The following ZNF827 variants were observed in gnomAD, a reference collection of about 807,000 sequenced individuals.
ZNF827 encodes the protein zinc finger protein 827.
A neutral mutation model predicts 102.4 loss-of-function variants in ZNF827; 13 were observed. That is an observed-to-expected ratio of 0.13 (90% CI 0.08 to 0.20). The LOEUF is 0.20. Ranked by LOEUF, ZNF827 falls within the 10% of genes least tolerant of loss-of-function variation. The pLI is 1.00. For synonymous variants in ZNF827, 523 were observed against 536.2 expected (o/e 0.98, Z 0.34); for missense variants, 1,103 against 1,344.4 (o/e 0.82, Z 2.81).
chr4:145,896,760 G>A (rs1285328197), intron 2 of ZNF827, among the ~76,000 whole-genome samples: 1 of 152,130 alleles, frequency 6.6e-6, no homozygotes, highest in Admixed American at 6.6e-5. Context: ...TTAGACCTCA[G>A]CTATTTCCAA....
At chr4:145,879,336 T>G (rs149313106) in intron 4 of ZNF827, among the ~76,000 whole-genome samples, 10 of 152,344 alleles carry the variant, frequency 6.6e-5, no homozygotes, top group Non-Finnish European at 1.2e-4. Flanking sequence ...CAGCTCACTG[T>G]AAGCACATTT....
intron 1 of ZNF827, among the ~76,000 whole-genome samples, chr4:145,914,017 T>G (rs1403585056): frequency 6.6e-6 from 1 of 151,400 alleles, no homozygotes; most frequent in Non-Finnish European, 1.5e-5. Context: ...AAATGACTAC[T>G]TATCAAAATC....
chr4:145,793,690 AT>A (rs1560931659), intron 8 of ZNF827, among the ~76,000 whole-genome samples: 1 of 152,052 alleles, frequency 6.6e-6, no homozygotes, highest in Non-Finnish European at 1.5e-5. Context: ...GCATCCTTCA[AT>A]CCAATCAAGT....
At chr4:145,909,856 C>T (rs1752139815) in intron 1 of ZNF827, among the ~76,000 whole-genome samples, 2 of 152,154 alleles carry the variant, frequency 1.3e-5, no homozygotes, top group Admixed American at 6.5e-5. Flanking sequence ...ACTAAGAGAC[C>T]TCTCGCGTCT....
At chr4:145,881,438 C>G (rs972082409) in intron 4 of ZNF827, among the ~76,000 whole-genome samples, 1 of 152,088 alleles carries the variant, frequency 6.6e-6, no homozygotes, top group Admixed American at 6.6e-5. Context: ...TTTTGGAAAA[C>G]CAGGGACAAA....
intron 8 of ZNF827, among the ~76,000 whole-genome samples, chr4:145,794,002 A>C (rs1025131892): frequency 3.3e-5 from 5 of 152,106 alleles, no homozygotes; most frequent in African/African-American, 9.7e-5. Flanking sequence ...GCCTCCCCAC[A>C]TGCTGAGGTT....
At chr4:145,764,824 A>T in intron 13 of ZNF827, 164 bp downstream of exon 13, 1 of 878,688 alleles carries the variant, frequency 1.1e-6, no homozygotes, top group Non-Finnish European at 1.8e-6. Flanking sequence ...GGACAGGTCT[A>T]ATTCAATCCA....
At chr4:145,917,700 C>CAAAAAAAAAAAAAAAAAA (rs763617063) in intron 1 of ZNF827, among the ~76,000 whole-genome samples, 6 of 46,848 alleles carry the variant, frequency 1.3e-4, no homozygotes, top group Non-Finnish European at 1.6e-4. Context: ...GGTAGCTGGT[C>CAAAAAAAAAAAAAAAAAA]AAAAAAAAAA....
At chr4:145,815,087 A>G (rs941926039) in intron 8 of ZNF827, among the ~76,000 whole-genome samples, 7 of 152,198 alleles carry the variant, frequency 4.6e-5, no homozygotes, top group Admixed American at 6.5e-5. Flanking sequence ...TAAGACAGAA[A>G]AATAGGAGAG....
At chr4:145,882,314 T>C (rs1269744074) in intron 4 of ZNF827, among the ~76,000 whole-genome samples, 1 of 152,084 alleles carries the variant, frequency 6.6e-6, no homozygotes, top group Non-Finnish European at 1.5e-5. Context: ...ACAAAATTCA[T>C]TTTTCTGTCA....
chr4:145,916,503 GC>G (rs146314989), intron 1 of ZNF827, among the ~76,000 whole-genome samples: 2,942 of 152,232 alleles, frequency 0.019, 48 homozygotes, highest in Middle Eastern at 0.037. Flanking sequence ...GGCACTCTGG[GC>G]CTGTGATGGA....
intron 5 of ZNF827, among the ~76,000 whole-genome samples, chr4:145,851,915 C>A (rs1746574853): frequency 6.6e-6 from 1 of 152,218 alleles, no homozygotes; most frequent in South Asian, 2.1e-4. Flanking sequence ...CTCCCTCAAG[C>A]CCCTTAGGGA....
chr4:145,769,578 G>T (rs994832364), intron 11 of ZNF827, among the ~76,000 whole-genome samples: 1 of 152,180 alleles, frequency 6.6e-6, no homozygotes, highest in East Asian at 1.9e-4. Flanking sequence ...CTGTGATGCA[G>T]CCCAGCTTGC....
At chr4:145,828,717 T>A (rs190820496) in intron 7 of ZNF827, among the ~76,000 whole-genome samples, 1 of 152,270 alleles carries the variant, frequency 6.6e-6, no homozygotes, top group Admixed American at 6.5e-5. Flanking sequence ...GTAGAAAATC[T>A]AAGGGCTAAG....
intron 2 of ZNF827, among the ~76,000 whole-genome samples, chr4:145,898,401 C>T (rs1029487526): frequency 1.1e-4 from 16 of 152,114 alleles, no homozygotes; most frequent in African/African-American, 3.6e-4. Context: ...GTTTTGGAGA[C>T]CCTCTCTCTG....
At chr4:145,937,853 C>T (rs1754330850) in intron 1 of ZNF827, among the ~76,000 whole-genome samples, 1 of 151,022 alleles carries the variant, frequency 6.6e-6, no homozygotes, top group African/African-American at 2.4e-5. Flanking sequence ...GCTGCGCGCC[C>T]TCTCCCCGAC....
chr4:145,856,673 G>A (rs1747133341), intron 5 of ZNF827, among the ~76,000 whole-genome samples: 1 of 139,418 alleles, frequency 7.2e-6, no homozygotes. Flanking sequence ...ATGACCTCCA[G>A]TACACACATA....
At chr4:145,837,660 A>G (rs1449070384) in intron 7 of ZNF827, among the ~76,000 whole-genome samples, 1 of 152,218 alleles carries the variant, frequency 6.6e-6, no homozygotes, top group African/African-American at 2.4e-5. Flanking sequence ...AAGTAAATAA[A>G]TAATCTTTGC....
chr4:145,805,678 A>C (rs1034344531), intron 8 of ZNF827, among the ~76,000 whole-genome samples: 17 of 152,100 alleles, frequency 1.1e-4, no homozygotes, highest in African/African-American at 3.9e-4. Flanking sequence ...AAGCATTCCA[A>C]TGGTTCCTGG....
Sources: gnomAD v4.1 joint callset for allele counts (sites outside exome capture counted in the v4.1 genomes callset) on GRCh38, gnomAD v4.1.1 for gene constraint, MANE v1.5 for transcripts, NCBI Gene and HGNC (gene_info 2026-07-23, HGNC 2026-07-21) for gene names.